Variants in CYREN observed in about 807,000 individuals in gnomAD.
CYREN encodes cell cycle regulator of NHEJ.
A neutral mutation model predicts 9.7 loss-of-function variants in CYREN; 7 were observed. That is an observed-to-expected ratio of 0.72 (90% CI 0.41 to 1.36). The LOEUF (loss-of-function observed/expected upper bound fraction) is 1.36. Among genes scored for constraint, CYREN ranks in the 40% most tolerant of loss-of-function variants. The pLI is 0.01. For missense variants in CYREN, 215 were observed against 198.1 expected, an observed-to-expected ratio of 1.09 and a Z score of -0.51; for synonymous variants, 76 against 77.9, an observed-to-expected ratio of 0.98 and a Z score of 0.13.
upstream of CYREN, among the ~76,000 whole-genome samples, chr7:135,171,170 A>G (rs946452275): frequency 1.2e-4 from 18 of 152,254 alleles, no homozygotes; most frequent in Non-Finnish European, 4.4e-5. Context: ...ACTAATAGTA[A>G]AATTATAGTA....
chr7:135,171,846 C>T (rs989625189), upstream of CYREN, among the ~76,000 whole-genome samples: 3 of 152,200 alleles, frequency 2.0e-5, no homozygotes, highest in Admixed American at 6.5e-5. Flanking sequence ...AGAGCGCTCC[C>T]GGGTAGGAAA....
At chr7:135,113,399 A>C (rs1479323550) in intron 2 of CYREN, among the ~76,000 whole-genome samples, 2 of 152,170 alleles carry the variant, frequency 1.3e-5, no homozygotes, top group Non-Finnish European at 2.9e-5. Flanking sequence ...TTTTCCTAGA[A>C]TATTTTAAAA....
chr7:135,145,006 A>AAAATGGC (rs989101961), intron 2 of CYREN, among the ~76,000 whole-genome samples: 43 of 150,230 alleles, frequency 2.9e-4, no homozygotes, highest in Admixed American at 9.3e-4. Context: ...CCTCCAGTTA[A>AAAATGGC]AAATGGCAAA....
At position 135,094,075 on chromosome 7, in the gene CYREN, T is replaced by C. The variant is rs192016142; in HGVS notation, n.864A>G. The C allele has an allele frequency of 9.3e-4, 255 of 273,950 alleles. 1 individual carries two copies. Among genetic ancestry groups the C allele is most frequent in the African/African-American group, 5.3e-3 (232 of 43,808 alleles). 17.0% of individuals were successfully genotyped at this position (273,950 alleles called of 1,614,324 possible). ...AAAGAATGAAGTTGGCCGTGTTCCT[T>C]ATACCATACACTAAAAATAATAAAA... is the stretch of plus-strand genomic sequence containing the variant. On this transcript the variant is annotated non_coding_transcript_exon_variant, in exon 3 of 3. Coordinates refer to the CYREN transcript ENST00000459937.
At chr7:135,101,082 C>T in intron 2 of CYREN, 1 of 413,754 alleles carries the variant, frequency 2.4e-6, no homozygotes, top group Non-Finnish European at 4.8e-6. Flanking sequence ...TTTTTCATCT[C>T]CCAAAGTATG....
chr7:135,124,127 G>A (rs996882646), intron 2 of CYREN, among the ~76,000 whole-genome samples: 2 of 152,038 alleles, frequency 1.3e-5, no homozygotes, highest in African/African-American at 4.8e-5. Context: ...AGTCCCATTG[G>A]TGTGCTGCAT....
chr7:135,106,645 G>A (rs1421092101), intron 2 of CYREN, among the ~76,000 whole-genome samples: 1 of 152,166 alleles, frequency 6.6e-6, no homozygotes, highest in Non-Finnish European at 1.5e-5. Flanking sequence ...TTGCATCAAT[G>A]TTCACCAAGG....
At position 135,096,558 on chromosome 7, in the gene CYREN, AAGATAGATAGATAGATAGATAGATACAT is replaced by A. The variant is rs1247862203; in HGVS notation, n.357-2004_357-1977del. 6.3e-3 allele frequency among the ~76,000 whole-genome samples: 501 copies of A among 79,778 alleles called. 17 individuals carry two copies. The highest frequency in any genetic ancestry group is 0.019 in the African/African-American group (415 of 21,640). The allele number at this position is 79,778 out of a possible 152,430, so 52.3% of individuals were successfully genotyped here. A position where few individuals can be genotyped will look rare whatever the true frequency, so the allele number is the denominator to read the frequency against. On this transcript the variant is annotated intron_variant and non_coding_transcript_variant, in intron 2 of 2. Coordinates refer to the CYREN transcript ENST00000459937. ...AAAAAGAAAAAGAAAGAAAGAAAGA[AAGATAGATAGATAGATAGATAGATACAT>A]AGATAGATAGATAGATAGATAGATA...
At chr7:135,152,360 G>T (rs1025002241) in intron 2 of CYREN, among the ~76,000 whole-genome samples, 1 of 152,206 alleles carries the variant, frequency 6.6e-6, no homozygotes, top group Admixed American at 6.5e-5. Flanking sequence ...GTTAATGCAC[G>T]TAAAGGGCCA....
chr7:135,120,804 G>A (rs1827029690), intron 2 of CYREN, among the ~76,000 whole-genome samples: 2 of 152,126 alleles, frequency 1.3e-5, no homozygotes, highest in African/African-American at 2.4e-5. Context: ...GTTAATATTA[G>A]GTAAAGTAGA....
chr7:135,142,489 G>C (rs554857348), intron 2 of CYREN, among the ~76,000 whole-genome samples: 1 of 152,120 alleles, frequency 6.6e-6, no homozygotes, highest in African/African-American at 2.4e-5. Context: ...TTCTGTATGA[G>C]GGGGTTGGTG....
intron 2 of CYREN, chr7:135,129,125 G>C (rs981995642): frequency 3.2e-6 from 5 of 1,540,492 alleles, no homozygotes; most frequent in African/African-American, 1.4e-5. Context: ...TGGAAGCAGA[G>C]TTATTTGCCT....
intron 2 of CYREN, among the ~76,000 whole-genome samples, chr7:135,107,976 C>CT (rs549582591): frequency 7.0e-4 from 104 of 149,478 alleles, no homozygotes; most frequent in East Asian, 1.4e-3. Context: ...ATGTCTTTAT[C>CT]TTTTTTTTTT....
At chr7:135,127,175 A>G (rs1827996087) in intron 2 of CYREN, among the ~76,000 whole-genome samples, 1 of 152,264 alleles carries the variant, frequency 6.6e-6, no homozygotes, top group Admixed American at 6.5e-5. Flanking sequence ...TTTACAAGAA[A>G]AAAACAGACA....
intron 2 of CYREN, among the ~76,000 whole-genome samples, chr7:135,098,725 C>A (rs1054807816): frequency 2.6e-5 from 4 of 152,116 alleles, no homozygotes; most frequent in African/African-American, 9.7e-5. Context: ...TCAAAGGCTG[C>A]AGGCAGTTCA....
At chr7:135,143,742 C>G (rs748072162) in intron 2 of CYREN, among the ~76,000 whole-genome samples, 6 of 152,258 alleles carry the variant, frequency 3.9e-5, no homozygotes, top group Non-Finnish European at 7.4e-5. Context: ...GGAGGGGAAC[C>G]TGGTAGAAAT....
At position 135,134,849 on chromosome 7, in the gene CYREN, C is replaced by T. The variant is rs148526262; in HGVS notation, n.356+33900G>A. 1.9e-3 allele frequency: 2,999 copies of T among 1,549,092 alleles called. 6 individuals are homozygous for T. The highest frequency in any genetic ancestry group is 2.4e-3 in the Non-Finnish European group (2,744 of 1,145,334). On this transcript the variant is annotated intron_variant and non_coding_transcript_variant, in intron 2 of 2. Transcript: ENST00000459937. ...TTTCATTTCTTTTCTAGACTAAATC[C>T]GGCTACTTGCAGAAATATAAAGAAA...
chr7:135,157,953 T>C (rs1259668697), intron 2 of CYREN, among the ~76,000 whole-genome samples: 1 of 151,836 alleles, frequency 6.6e-6, no homozygotes, highest in Non-Finnish European at 1.5e-5. Flanking sequence ...AGCAGCATGG[T>C]CAAGAAGCTG....
rs183850209 is a variant in CYREN, at chr7:135,134,866, A to G, written n.356+33883T>C. 5.0e-4 allele frequency: 777 copies of G among 1,550,040 alleles called. 3 individuals are homozygous for G. The highest frequency in any genetic ancestry group is 1.0e-4 in the Non-Finnish European group (119 of 1,146,180). On this transcript the variant is annotated intron_variant and non_coding_transcript_variant, in intron 2 of 2. Coordinates refer to the CYREN transcript ENST00000459937. ...ACTAAATCCGGCTACTTGCAGAAAT[A>G]TAAAGAAATACAGCACATCTTGGAC... is the stretch of plus-strand genomic sequence containing the variant.
Sources: allele counts gnomAD v4.1 joint callset (sites outside exome capture counted in the v4.1 genomes callset), GRCh38; gene constraint gnomAD v4.1.1; transcripts MANE v1.5; gene names NCBI Gene and HGNC (gene_info 2026-07-23, HGNC 2026-07-21).